PAGE2B: variants seen among roughly 807,000 people sequenced by gnomAD.
The protein encoded by PAGE2B is PAGE family member 2B.
Under a neutral mutation model 7.6 loss-of-function variants are expected in PAGE2B, and 5 were observed. The observed-to-expected ratio is 0.66, with a 90% CI of 0.34 to 1.38. PAGE2B has a LOEUF of 1.38. Ranked by LOEUF, PAGE2B falls within the 40% of genes most tolerant of loss-of-function variation. PAGE2B has a pLI of 0.04. For missense variants in PAGE2B, 70 were observed against 78.4 expected, an observed-to-expected ratio of 0.89 and a Z score of 0.41; for synonymous variants, 29 against 26.7, an observed-to-expected ratio of 1.09 and a Z score of -0.27.
In PAGE2B at chrX:55,077,324, G is replaced by A. The variant is rs776260356; in HGVS notation, c.194-75G>A. 17 of 1,182,773 alleles carry A rather than the reference G, an allele frequency of 1.4e-5. No homozygotes were observed. In the South Asian group the frequency reaches 3.2e-4, roughly 22 times the overall value. On this transcript the variant is annotated intron_variant, in intron 3 of 4. Transcript: ENST00000374971. Reference sequence around the variant, plus strand: ...CAGGTTTTTACTTCATAATGATGAGGGAATAAATATTATCATTTCCTTGTT... The same window carrying A: ...CAGGTTTTTACTTCATAATGATGAGAGAATAAATATTATCATTTCCTTGTT...
At chrX:55,073,846 TACAGAAAC>T (rs1376936753), upstream of PAGE2B, among the ~76,000 whole-genome samples, 2 of 111,844 alleles carry the variant, frequency 1.8e-5, no homozygotes, top group Non-Finnish European at 3.8e-5. Flanking sequence ...GTAGTTGGTG[TACAGAAAC>T]ACTCCTGGTT....
chrX:55,070,163 T>C (rs1481579045), upstream of PAGE2B, among the ~76,000 whole-genome samples: 2 of 112,033 alleles, frequency 1.8e-5, no homozygotes, highest in African/African-American at 6.5e-5. Context: ...TGCTTTCTCT[T>C]GTGGGCAATT....
At chrX:55,032,816 T>C in the PAGE2B span, among the ~76,000 whole-genome samples, 1 of 111,729 alleles carries the variant, frequency 9.0e-6, no homozygotes, top group Non-Finnish European at 1.9e-5. Context: ...AGTATGGGTA[T>C]AGCATGGTGT....
the PAGE2B span, among the ~76,000 whole-genome samples, chrX:55,029,744 C>T: frequency 8.9e-6 from 1 of 111,954 alleles, no homozygotes; most frequent in East Asian, 2.8e-4. Flanking sequence ...GCTTGCCAGG[C>T]ATCTTCTTAA....
chrX:55,050,952 G>T, the PAGE2B span, among the ~76,000 whole-genome samples: 2 of 111,722 alleles, frequency 1.8e-5, no homozygotes, highest in Admixed American at 9.6e-5. Flanking sequence ...GGTACCGGTT[G>T]TTCCTTTCCA....
chrX:55,064,000 A>G, the PAGE2B span, among the ~76,000 whole-genome samples: 1 of 110,906 alleles, frequency 9.0e-6, no homozygotes, highest in Non-Finnish European at 1.9e-5. Flanking sequence ...TTCATCAGTG[A>G]TATTGGCCTA....
the PAGE2B span, among the ~76,000 whole-genome samples, chrX:55,063,045 T>C: frequency 5.1e-3 from 567 of 111,372 alleles, 1 homozygote; most frequent in Non-Finnish European, 8.4e-3. Flanking sequence ...GATTCTTCCA[T>C]GTTTGTTCTT....
At chrX:55,042,850 T>G in the PAGE2B span, among the ~76,000 whole-genome samples, 3 of 108,560 alleles carry the variant, frequency 2.8e-5, no homozygotes, top group Non-Finnish European at 5.7e-5. Flanking sequence ...AAAACAATCC[T>G]AAAATTCATA....
At chrX:55,075,469 C>G (rs1181280205) in intron 1 of PAGE2B, among the ~76,000 whole-genome samples, 1 of 110,912 alleles carries the variant, frequency 9.0e-6, no homozygotes, top group Non-Finnish European at 1.9e-5. Context: ...ACCATGTGGT[C>G]AGTAAGGAAG....
At position 55,076,644 on chromosome X, in the gene PAGE2B, G is replaced by A. The variant is rs1936522758; in HGVS notation, c.160G>A (p.Glu54Lys). Reference protein sequence around the residue: ...TDNQGIAPSGEIENEGAPAVQ... With the variant: ...TDNQGIAPSGKIENEGAPAVQ... ...TAATCAGGGTATTGCACCTAGTGGG[G>A]AGATCGAAAATGAAGGAGCACCTGC... The change falls in exon 3 of 5, where the codon GAG becomes AAG. Residue 54 changes from glutamate to lysine, a missense_variant. Glu to Lys is a moderately conservative substitution (Grantham distance 56). Transcript: ENST00000374971. The A allele has an allele frequency of 4.1e-6, 5 of 1,208,462 alleles. No homozygotes were observed. Among genetic ancestry groups the A allele is most frequent in the Middle Eastern group, 4.6e-4 (2 of 4,348 alleles).
At chrX:55,037,232 G>T in the PAGE2B span, among the ~76,000 whole-genome samples, 1 of 111,867 alleles carries the variant, frequency 8.9e-6, no homozygotes, top group Admixed American at 9.5e-5. Context: ...CCATCAAAAA[G>T]TGGGCAAAGG....
the PAGE2B span, among the ~76,000 whole-genome samples, chrX:55,061,850 T>C: frequency 1.8e-5 from 2 of 111,580 alleles, no homozygotes; most frequent in Admixed American, 9.6e-5. Context: ...CATGTGAAGT[T>C]TGTCTTTCTG....
the PAGE2B span, among the ~76,000 whole-genome samples, chrX:55,034,754 C>T: frequency 1.8e-5 from 2 of 108,242 alleles, no homozygotes; most frequent in African/African-American, 3.4e-5. Flanking sequence ...CACACACACA[C>T]GTGAGTTTAT....
At chrX:55,062,079 T>C in the PAGE2B span, among the ~76,000 whole-genome samples, 2 of 111,801 alleles carry the variant, frequency 1.8e-5, no homozygotes, top group Non-Finnish European at 3.8e-5. Context: ...TATCTCTTCG[T>C]TATCCTGATT....
the PAGE2B span, among the ~76,000 whole-genome samples, chrX:55,057,356 G>A: frequency 1.8e-5 from 2 of 111,477 alleles, no homozygotes; most frequent in Non-Finnish European, 3.8e-5. Context: ...ATGGAGGATG[G>A]GTATTAACCA....
the PAGE2B span, among the ~76,000 whole-genome samples, chrX:55,064,533 A>T: frequency 9.1e-6 from 1 of 110,214 alleles, no homozygotes; most frequent in Non-Finnish European, 1.9e-5. Context: ...TATTTTCTTC[A>T]TTTTAAATTC....
At chrX:55,067,908 T>G in the PAGE2B span, among the ~76,000 whole-genome samples, 2 of 112,446 alleles carry the variant, frequency 1.8e-5, no homozygotes, top group African/African-American at 6.5e-5. Context: ...TGTTTGTTTC[T>G]TTTTTCCTTA....
the PAGE2B span, chrX:55,030,981 T>A: frequency 2.9e-6 from 1 of 341,635 alleles, no homozygotes; most frequent in South Asian, 2.6e-5. Flanking sequence ...GACAGGTGGG[T>A]ACTTGGGTTA....
At chrX:55,071,839 C>T (rs1219503343), upstream of PAGE2B, among the ~76,000 whole-genome samples, 1 of 111,663 alleles carries the variant, frequency 9.0e-6, no homozygotes, top group Non-Finnish European at 1.9e-5. Flanking sequence ...ATCACTTCAT[C>T]GATTCAGGTA....
Sources: allele counts gnomAD v4.1 joint callset (sites outside exome capture counted in the v4.1 genomes callset), GRCh38; gene constraint gnomAD v4.1.1; transcripts MANE v1.5; gene names NCBI Gene and HGNC (gene_info 2026-07-23, HGNC 2026-07-21).